The following ANGPT1 variants were observed in gnomAD, a reference collection of about 807,000 sequenced individuals.
ANGPT1 encodes angiopoietin 1, also known as angiopoietin-1.
A neutral mutation model predicts 62.2 loss-of-function variants in ANGPT1; 17 were observed. The ratio of observed to expected loss-of-function variants is 0.27; its 90% CI spans 0.19 to 0.41. ANGPT1 has a LOEUF of 0.41. Among genes scored for constraint, ANGPT1 ranks in the 10% least tolerant of loss-of-function variants. The probability of loss-of-function intolerance (pLI) is 1.00; values close to 1 mark genes in which losing one functional copy is unlikely to be tolerated. For missense variants in ANGPT1, 478 were observed against 594.9 expected, an observed-to-expected ratio of 0.80 and a Z score of 2.04; for synonymous variants, 199 against 198.9, an observed-to-expected ratio of 1.00 and a Z score of 0.00.
At chr8:107,264,460 G>T in intron 7 of ANGPT1, 109 bp from the exon 8 acceptor site, 1 of 1,357,234 alleles carries the variant, frequency 7.4e-7, no homozygotes, top group Non-Finnish European at 9.9e-7. Context: ...TTCTTTCTTT[G>T]AACTCAGCCC....
At chr8:107,282,552 C>CAATA (rs1814036865) in intron 7 of ANGPT1, among the ~76,000 whole-genome samples, 2 of 25,882 alleles carry the variant, frequency 7.7e-5, no homozygotes, top group Non-Finnish European at 1.6e-4. Flanking sequence ...CATATATGAA[C>CAATA]CATATATATA....
At chr8:107,483,323 C>A (rs1244064950) in intron 1 of ANGPT1, among the ~76,000 whole-genome samples, 1 of 151,920 alleles carries the variant, frequency 6.6e-6, no homozygotes, top group African/African-American at 2.4e-5. Flanking sequence ...TTCTTAGTTT[C>A]TCTCTATATT....
At chr8:107,268,535 G>C (rs1813667608) in intron 7 of ANGPT1, among the ~76,000 whole-genome samples, 1 of 151,370 alleles carries the variant, frequency 6.6e-6, no homozygotes, top group Non-Finnish European at 1.5e-5. Flanking sequence ...ACATGAGCAA[G>C]GCATTATGCA....
intron 3 of ANGPT1, among the ~76,000 whole-genome samples, chr8:107,334,424 G>A (rs1444498333): frequency 6.6e-6 from 1 of 152,160 alleles, no homozygotes. Flanking sequence ...TCCAGACTGT[G>A]TGTAAGGTAT....
intron 1 of ANGPT1, among the ~76,000 whole-genome samples, chr8:107,439,565 G>GA (rs889041998): frequency 2.0e-5 from 3 of 151,802 alleles, no homozygotes; most frequent in African/African-American, 7.3e-5. Flanking sequence ...AGGAAGAAAG[G>GA]AAAAAAAGAC....
At position 107,309,864 on chromosome 8, in the gene ANGPT1, G is replaced by C. The variant is rs189803634; in HGVS notation, c.809-6497C>G. 3.9e-5 allele frequency among the ~76,000 whole-genome samples: 6 copies of C among 152,214 alleles called. No homozygotes were observed. In the South Asian group the frequency reaches 6.2e-4, roughly 16 times the overall value. The stretch of plus-strand genomic sequence containing the variant: ...TGCATGTGTGTATGTGTGTGAGACA[G>C]TATAACAAACACATACATTCTATTC... On this transcript the variant is annotated intron_variant, in intron 4 of 8. Transcript: ENST00000517746.
At chr8:107,458,318 C>G (rs1811977410) in intron 1 of ANGPT1, among the ~76,000 whole-genome samples, 2 of 152,096 alleles carry the variant, frequency 1.3e-5, no homozygotes, top group Non-Finnish European at 2.9e-5. Context: ...GGAAAACCTG[C>G]TAATAGAAAA....
chr8:107,357,742 A>G (rs1041424500), intron 1 of ANGPT1, among the ~76,000 whole-genome samples: 1 of 152,172 alleles, frequency 6.6e-6, no homozygotes, highest in East Asian at 1.9e-4. Flanking sequence ...GATATAAGAT[A>G]CTCAAGAACA....
chr8:107,372,464 C>CT (rs1270570095), intron 1 of ANGPT1, among the ~76,000 whole-genome samples: 9 of 152,102 alleles, frequency 5.9e-5, no homozygotes, highest in African/African-American at 2.2e-4. Context: ...ATGCATTTGT[C>CT]TAATTCTTAT....
At chr8:107,340,387 T>G (rs2130134197) in intron 2 of ANGPT1, among the ~76,000 whole-genome samples, 1 of 152,274 alleles carries the variant, frequency 6.6e-6, no homozygotes, top group East Asian at 1.9e-4. Context: ...TTAGTTCTTT[T>G]TTTTAAAAAA....
At chr8:107,431,667 C>G (rs1028190270) in intron 1 of ANGPT1, among the ~76,000 whole-genome samples, 2 of 152,106 alleles carry the variant, frequency 1.3e-5, no homozygotes, top group Non-Finnish European at 2.9e-5. Context: ...TCCCAACATA[C>G]TGTCATAAGA....
chr8:107,291,759 T>C (rs192843590), intron 6 of ANGPT1, among the ~76,000 whole-genome samples: 6 of 152,200 alleles, frequency 3.9e-5, no homozygotes, highest in Non-Finnish European at 8.8e-5. Flanking sequence ...TTTTTGAATA[T>C]AGATAATCTT....
chr8:107,368,254 T>A (rs1816316765), intron 1 of ANGPT1, among the ~76,000 whole-genome samples: 1 of 152,176 alleles, frequency 6.6e-6, no homozygotes, highest in Non-Finnish European at 1.5e-5. Context: ...AGGTGCATTG[T>A]CAATGAACAG....
intron 3 of ANGPT1, among the ~76,000 whole-genome samples, chr8:107,324,249 T>C (rs1173751872): frequency 6.7e-6 from 1 of 150,368 alleles, no homozygotes; most frequent in Non-Finnish European, 1.5e-5. Flanking sequence ...AGTCCCAACC[T>C]CCAGGAAGTC....
rs186286961 is a variant in ANGPT1 at position 107,421,859 on chromosome 8, C to T, written c.298-74762G>A. 2.4e-4 allele frequency among the ~76,000 whole-genome samples: 36 copies of T among 152,222 alleles called. No individual in the cohort carries two copies. The East Asian group carries it at 6.9e-3, about 29-fold the overall frequency. On this transcript the variant is annotated intron_variant, in intron 1 of 8. Coordinates refer to ENST00000517746, the MANE Select transcript of ANGPT1 (RefSeq NM_001146.5). The stretch of plus-strand genomic sequence containing the variant: ...AAAACAGTGAGTTTTCTAACATTGT[C>T]CATAAGCATGATAATTCATGTATTT...
At chr8:107,448,990 G>A (rs925963896) in intron 1 of ANGPT1, among the ~76,000 whole-genome samples, 8 of 152,196 alleles carry the variant, frequency 5.3e-5, no homozygotes, top group Middle Eastern at 3.4e-3. Context: ...ATTGTTGGGG[G>A]AGTGATGGCA....
chr8:107,279,023 C>A (rs1375718689), intron 7 of ANGPT1, among the ~76,000 whole-genome samples: 1 of 152,218 alleles, frequency 6.6e-6, no homozygotes, highest in African/African-American at 2.4e-5. Context: ...AGCCAGATTT[C>A]TTCTCAGCCT....
chr8:107,377,320 A>G (rs2130261636), intron 1 of ANGPT1, among the ~76,000 whole-genome samples: 1 of 152,314 alleles, frequency 6.6e-6, no homozygotes, highest in African/African-American at 2.4e-5. Flanking sequence ...AACAATGAAC[A>G]GGCCGAATTT....
intron 1 of ANGPT1, among the ~76,000 whole-genome samples, chr8:107,410,697 C>T (rs975440789): frequency 3.9e-5 from 6 of 152,158 alleles, no homozygotes; most frequent in South Asian, 2.1e-4. Context: ...AATACCAGAA[C>T]ATGTGACTTA....
Sources: allele counts gnomAD v4.1 joint callset (sites outside exome capture counted in the v4.1 genomes callset), GRCh38; gene constraint gnomAD v4.1.1; transcripts MANE v1.5; gene names NCBI Gene and HGNC (gene_info 2026-07-23, HGNC 2026-07-21).